Variants in RBFOX1 observed in about 807,000 individuals in gnomAD.
The protein encoded by RBFOX1 is RNA binding fox-1 homolog 1, also known as RNA binding protein fox-1 homolog 1.
Under a neutral mutation model 57.7 loss-of-function variants are expected in RBFOX1, and 8 were observed. That is an observed-to-expected ratio of 0.14 (90% confidence interval 0.08 to 0.25). The LOEUF is 0.25. Among genes scored for constraint, RBFOX1 ranks in the 10% least tolerant of loss-of-function variants. The probability of loss-of-function intolerance (pLI) is 1.00; values close to 1 mark genes in which losing one functional copy is unlikely to be tolerated. For missense variants in RBFOX1, 611 were observed against 548.5 expected, an observed-to-expected ratio of 1.11 and a Z score of -1.14; for synonymous variants, 326 against 222.4, an observed-to-expected ratio of 1.47 and a Z score of -4.15.
chr16:6,223,769 C>G (rs2097395177), intron 1 of RBFOX1, among the ~76,000 whole-genome samples: 1 of 152,170 alleles, frequency 6.6e-6, no homozygotes, highest in Non-Finnish European at 1.5e-5. Context: ...GACATGAAGT[C>G]CTTGCCCATG....
At chr16:5,856,185 CTCTATA>C (rs1189232896) in intron 3 of RBFOX1, among the ~76,000 whole-genome samples, 34 of 39,884 alleles carry the variant, frequency 8.5e-4, no homozygotes, top group Non-Finnish European at 8.2e-4. Context: ...CTCTCTCTCT[CTCTATA>C]TATATATATA....
intron 1 of RBFOX1, among the ~76,000 whole-genome samples, chr16:5,297,224 G>A (rs968994085): frequency 5.9e-5 from 9 of 152,210 alleles, no homozygotes; most frequent in African/African-American, 2.2e-4. Flanking sequence ...ACATGGGAGT[G>A]CAAATATCTC....
intron 3 of RBFOX1, among the ~76,000 whole-genome samples, chr16:5,834,817 G>C (rs1466651879): frequency 1.3e-5 from 2 of 148,554 alleles, no homozygotes; most frequent in Non-Finnish European, 3.0e-5. Context: ...TAGATAGATA[G>C]ATAGACAGAC....
intron 4 of RBFOX1, among the ~76,000 whole-genome samples, chr16:7,136,585 G>C (rs2072055211): frequency 6.6e-6 from 1 of 151,870 alleles, no homozygotes; most frequent in Non-Finnish European, 1.5e-5. Flanking sequence ...TAATTTGTTT[G>C]TTTGTTTGTT....
intron 3 of RBFOX1, among the ~76,000 whole-genome samples, chr16:6,891,461 A>T (rs935247008): frequency 1.3e-5 from 2 of 151,996 alleles, no homozygotes; most frequent in South Asian, 2.1e-4. Context: ...ATACACACAC[A>T]CACTAGAGAG....
intron 1 of RBFOX1, among the ~76,000 whole-genome samples, chr16:5,464,986 A>T (rs1384642334): frequency 6.6e-6 from 1 of 152,120 alleles, no homozygotes; most frequent in East Asian, 1.9e-4. Flanking sequence ...AGGGGTCTGG[A>T]GACTGGGAGG....
intron 4 of RBFOX1, among the ~76,000 whole-genome samples, 171 bp from the exon 5 acceptor site, chr16:7,517,976 T>C (rs961337677): frequency 6.6e-6 from 1 of 152,098 alleles, no homozygotes; most frequent in Non-Finnish European, 1.5e-5. Flanking sequence ...TACTGTTTCC[T>C]TATAGGGTCT....
At chr16:6,725,311 A>C (rs1442747962) in intron 3 of RBFOX1, among the ~76,000 whole-genome samples, 1 of 152,014 alleles carries the variant, frequency 6.6e-6, no homozygotes, top group African/African-American at 2.4e-5. Flanking sequence ...TCGGCCTCCC[A>C]AAGTGCTGGG....
intron 4 of RBFOX1, among the ~76,000 whole-genome samples, chr16:7,491,854 A>G (rs1279299778): frequency 6.6e-6 from 1 of 152,170 alleles, no homozygotes; most frequent in African/African-American, 2.4e-5. Context: ...TTAAGGAAGA[A>G]TTTGATTTTT....
At chr16:5,866,467 T>C (rs1432501084) in intron 3 of RBFOX1, among the ~76,000 whole-genome samples, 1 of 152,188 alleles carries the variant, frequency 6.6e-6, no homozygotes, top group Non-Finnish European at 1.5e-5. Context: ...GGCCAAGTCA[T>C]CCAGGTATAA....
At chr16:6,164,291 C>G (rs1567594466) in intron 1 of RBFOX1, among the ~76,000 whole-genome samples, 1 of 152,044 alleles carries the variant, frequency 6.6e-6, no homozygotes, top group Admixed American at 6.6e-5. Context: ...AAATATAAGC[C>G]TGATAATACT....
rs146878905 is a variant in RBFOX1 at position 5,466,688 on chromosome 16, G to A, written c.220-528G>A. Among the ~76,000 whole-genome samples, 53 of 152,298 alleles carry A rather than the reference G, an allele frequency of 3.5e-4. 1 individual carries two copies. The East Asian group carries it at 0.01, about 29-fold the overall frequency. On this transcript the variant is annotated intron_variant, in intron 1 of 2. Coordinates refer to the RBFOX1 transcript ENST00000585867. ...TGCTCTGGTCCCTGCCTGCCTCCTT[G>A]ACATCATCTCTTTGCCTCTCCCATC...
At chr16:5,276,575 G>C (rs1237333831) in intron 1 of RBFOX1, among the ~76,000 whole-genome samples, 1 of 152,196 alleles carries the variant, frequency 6.6e-6, no homozygotes, top group South Asian at 2.1e-4. Context: ...ACGAGGTCAG[G>C]AGTTTGAGAC....
chr16:6,781,912 T>A (rs2081082114), intron 3 of RBFOX1, among the ~76,000 whole-genome samples: 2 of 152,194 alleles, frequency 1.3e-5, no homozygotes, highest in African/African-American at 4.8e-5. Context: ...TGCTCTGATC[T>A]TTAGTGTTTC....
At chr16:6,887,625 G>T (rs547714439) in intron 3 of RBFOX1, among the ~76,000 whole-genome samples, 2 of 150,828 alleles carry the variant, frequency 1.3e-5, no homozygotes, top group Admixed American at 6.6e-5. Flanking sequence ...AGTAACCCTA[G>T]TTTTAGAAGG....
chr16:7,252,012 C>T (rs1386228664), intron 4 of RBFOX1, among the ~76,000 whole-genome samples: 1 of 152,198 alleles, frequency 6.6e-6, no homozygotes, highest in African/African-American at 2.4e-5. Context: ...AAAAGCTCTA[C>T]AGTATTTGGG....
intron 3 of RBFOX1, among the ~76,000 whole-genome samples, chr16:5,715,271 C>G (rs548422904): frequency 2.0e-5 from 3 of 152,306 alleles, no homozygotes; most frequent in East Asian, 1.9e-4. Context: ...CAGAGAAGCT[C>G]TACCTTGTGG....
chr16:5,508,793 C>T (rs1949582264), intron 2 of RBFOX1, among the ~76,000 whole-genome samples: 1 of 152,206 alleles, frequency 6.6e-6, no homozygotes, highest in Non-Finnish European at 1.5e-5. Context: ...TATGTCCCTG[C>T]AGTCAGGTTG....
At chr16:6,988,578 A>G (rs1304544059) in intron 3 of RBFOX1, among the ~76,000 whole-genome samples, 3 of 148,780 alleles carry the variant, frequency 2.0e-5, no homozygotes, top group African/African-American at 7.4e-5. Context: ...ATTTTATTTT[A>G]TTTTATTTAT....
Sources: gnomAD v4.1 joint callset for allele counts (sites outside exome capture counted in the v4.1 genomes callset) on GRCh38, gnomAD v4.1.1 for gene constraint, MANE v1.5 for transcripts, NCBI Gene and HGNC (gene_info 2026-07-23, HGNC 2026-07-21) for gene names.